Variants in CFAP54 observed in about 807,000 individuals in gnomAD.
CFAP54 encodes the protein cilia- and flagella-associated protein 54.
Under a neutral mutation model 370.4 loss-of-function variants are expected in CFAP54, and 290 were observed. The observed-to-expected ratio is 0.78, with a 90% CI of 0.71 to 0.86. The LOEUF is 0.86. Ranked by LOEUF, CFAP54 falls within the 40% of genes least tolerant of loss-of-function variation. CFAP54 has a pLI of 0.00. For synonymous variants in CFAP54, 1,206 were observed against 1,236.5 expected, an observed-to-expected ratio of 0.98 and a Z score of 0.52; for missense variants, 3,399 against 3,528.7, an observed-to-expected ratio of 0.96 and a Z score of 0.93.
chr12:96,493,731 G>A (rs1954913972), intron 1 of CFAP54, among the ~76,000 whole-genome samples: 1 of 152,190 alleles, frequency 6.6e-6, no homozygotes, highest in Non-Finnish European at 1.5e-5. Context: ...CTGGGAAGTG[G>A]AGGTTGCATT....
chr12:96,522,234 ATATTTG>A (rs1955328877), intron 8 of CFAP54, 45 bp downstream of exon 8: 1 of 1,295,356 alleles, frequency 7.7e-7, no homozygotes, highest in Non-Finnish European at 1.1e-6. Context: ...TTTTTGCAGT[ATATTTG>A]TATTATGCTC....
At chr12:96,497,041 A>G (rs1482088569) in intron 1 of CFAP54, among the ~76,000 whole-genome samples, 3 of 152,200 alleles carry the variant, frequency 2.0e-5, no homozygotes, top group Non-Finnish European at 4.4e-5. Flanking sequence ...CCAATCCTTT[A>G]TTCATTCATT....
At chr12:96,674,457 A>C (rs1171582011) in intron 39 of CFAP54, among the ~76,000 whole-genome samples, 1 of 151,486 alleles carries the variant, frequency 6.6e-6, no homozygotes, top group Admixed American at 6.6e-5. Context: ...CAGAGAGGAA[A>C]CCCCTTGAGG....
chr12:96,519,919 G>A (rs1955284101), intron 6 of CFAP54, among the ~76,000 whole-genome samples: 2 of 152,288 alleles, frequency 1.3e-5, no homozygotes, highest in Admixed American at 6.5e-5. Context: ...TTGAATACAA[G>A]CCACCTTCCC....
At chr12:96,752,093 AG>A in intron 55 of CFAP54, among the ~76,000 whole-genome samples, 1 of 131,928 alleles carries the variant, frequency 7.6e-6, no homozygotes, top group Non-Finnish European at 1.6e-5. Flanking sequence ...GATGAGAGAG[AG>A]AGAGAGAGAG....
Position 96,580,996 on chromosome 12 carries a change from CCTATT to C in CFAP54, c.2970_2974del (p.Tyr990Ter). ...GAAAAGTATGTATTTGCAGTTGCTG[CCTATT>C]CTAACAACGGAAAGCTTGTCGGTGG... is the stretch of plus-strand genomic sequence containing the variant. On this transcript the variant is annotated frameshift_variant, in exon 22 of 68. Transcript: ENST00000524981. LOFTEE classifies it high-confidence loss of function. 1 of 1,533,046 alleles carries C rather than the reference CCTATT, an allele frequency of 6.5e-7. No homozygotes were observed. Among genetic ancestry groups the C allele is most frequent in the Non-Finnish European group, 8.7e-7 (1 of 1,145,098 alleles). 95.0% of individuals were successfully genotyped at this position (1,533,046 alleles called of 1,614,324 possible).
In CFAP54 at chr12:96,644,404, G is replaced by A; in HGVS notation, c.4543G>A (p.Val1515Ile). ...KMKFGTSHMM[V>I]SFRSCDPNMF... Reference sequence around the variant, plus strand: ...GAAATTTGGCACATCACATATGATGGTCAGGTATAGTATATTACTGATGAA... The same window carrying A: ...GAAATTTGGCACATCACATATGATGATCAGGTATAGTATATTACTGATGAA... Residue 1515 changes from valine to isoleucine, a missense_variant, in exon 33 of 68, where the codon GTC becomes ATC. Transcript: ENST00000524981. 1 of 1,520,790 alleles carries A rather than the reference G, an allele frequency of 6.6e-7. No individual in the cohort carries two copies. The highest frequency in any genetic ancestry group is 8.8e-7 in the Non-Finnish European group (1 of 1,133,104). 94.2% of individuals were successfully genotyped at this position (1,520,790 alleles called of 1,614,324 possible). A position where few individuals can be genotyped will look rare whatever the true frequency, so the allele number is the denominator to read the frequency against.
intron 46 of CFAP54, among the ~76,000 whole-genome samples, chr12:96,700,656 A>G (rs2136578016): frequency 6.6e-6 from 1 of 152,314 alleles, no homozygotes; most frequent in South Asian, 2.1e-4. Flanking sequence ...GCATCCTTGA[A>G]AATGAATACT....
At chr12:96,738,571 A>C (rs1473439676) in intron 50 of CFAP54, among the ~76,000 whole-genome samples, 2 of 149,656 alleles carry the variant, frequency 1.3e-5, no homozygotes, top group Non-Finnish European at 2.9e-5. Flanking sequence ...GTGTCCTCAC[A>C]TAACCTTCCC....
At chr12:96,864,861 A>G (rs1199024982) in intron 67 of CFAP54, among the ~76,000 whole-genome samples, 1 of 152,178 alleles carries the variant, frequency 6.6e-6, no homozygotes, top group African/African-American at 2.4e-5. Context: ...CTAATGCATC[A>G]TGGAACTTAT....
rs1314039954 is a variant in CFAP54, at chr12:96,565,506, AG to A, written c.2619+743del. On this transcript the variant is annotated intron_variant, in intron 19 of 67. Transcript: ENST00000524981. Reference sequence around the variant, plus strand: ...ATGCTATGTCTTGGCTGATAAGAGAAGGAAAAAAGTAGGTCAAAGCTAGGAG... The same window carrying A: ...ATGCTATGTCTTGGCTGATAAGAGAAGAAAAAAGTAGGTCAAAGCTAGGAG... Among the ~76,000 whole-genome samples the A allele has an allele frequency of 2.0e-5, 3 of 152,268 alleles. No homozygotes were observed. The South Asian group carries it at 6.2e-4, about 32-fold the overall frequency.
At chr12:96,753,677 C>T (rs1193213266) in intron 55 of CFAP54, 66 bp from the exon 56 acceptor site, 1 of 1,493,486 alleles carries the variant, frequency 6.7e-7, no homozygotes, top group Non-Finnish European at 9.2e-7. Context: ...AGTCTGGTAA[C>T]TTGGAGGCTT....
intron 4 of CFAP54, among the ~76,000 whole-genome samples, chr12:96,507,335 G>T (rs1380773294): frequency 6.6e-6 from 1 of 152,026 alleles, no homozygotes; most frequent in Non-Finnish European, 1.5e-5. Flanking sequence ...ATCACTGTTG[G>T]GTGTTCAAAA....
At chr12:96,788,358 C>T (rs1186181487) in intron 62 of CFAP54, among the ~76,000 whole-genome samples, 1 of 152,144 alleles carries the variant, frequency 6.6e-6, no homozygotes, top group East Asian at 1.9e-4. Flanking sequence ...CTCAAGTGGA[C>T]ATAGCATATT....
intron 20 of CFAP54, among the ~76,000 whole-genome samples, chr12:96,578,052 A>G (rs1955998031): frequency 6.6e-6 from 1 of 152,164 alleles, no homozygotes; most frequent in Non-Finnish European, 1.5e-5. Flanking sequence ...ACAGAGCGAA[A>G]TACTATCTAA....
chr12:96,689,337 T>C (rs1957364494), intron 43 of CFAP54, among the ~76,000 whole-genome samples: 1 of 152,082 alleles, frequency 6.6e-6, no homozygotes, highest in South Asian at 2.1e-4. Flanking sequence ...ATTTCTTGTA[T>C]TTTTAGTAGA....
At chr12:96,804,761 C>A (rs528569952) in intron 63 of CFAP54, among the ~76,000 whole-genome samples, 76 of 151,942 alleles carry the variant, frequency 5.0e-4, no homozygotes, top group Non-Finnish European at 8.4e-4. Flanking sequence ...TCATATGGAA[C>A]AAAAAAACAG....
rs1189881244 is a variant in CFAP54 at position 96,725,889 on chromosome 12, T to C, written c.6965+5324T>C. On this transcript the variant is annotated intron_variant, in intron 50 of 67. Coordinates refer to ENST00000524981, the MANE Select transcript of CFAP54 (RefSeq NM_001306084.2). ...TATTGAGAGTTTTTAGCATGAAGGG[T>C]TGTTGAATTTTGTCAAAGGCCTTTT... Among the ~76,000 whole-genome samples, 754 of 150,714 alleles carry C rather than the reference T, an allele frequency of 5.0e-3. 5 individuals carry two copies. Among genetic ancestry groups the C allele is most frequent in the African/African-American group, 0.017 (696 of 41,122 alleles).
Position 96,860,897 on chromosome 12 carries a change from G to A in CFAP54, c.9250G>A (p.Gly3084Arg), listed in dbSNP as rs1180276348. The change falls in exon 67 of 68, where the codon GGA becomes AGA. Residue 3084 changes from glycine (G) to arginine (R), a missense_variant. Around this residue, in one of 3 missense-constraint regions of CFAP54, gnomAD observed 2,796 missense variants for 2,869.7 expected, o/e 0.97. Coordinates refer to ENST00000524981, the MANE Select transcript of CFAP54 (RefSeq NM_001306084.2). Reference sequence around the variant, plus strand: ...TCTGGCTAATGGTTGCATTTTATCAGGAGGAAGCCTTTTCAACTGGATAGT... The same window carrying A: ...TCTGGCTAATGGTTGCATTTTATCAAGAGGAAGCCTTTTCAACTGGATAGT... ...FDLANGCILS[G>R]GSLFNWIVSI... The A allele has an allele frequency of 1.3e-6, 2 of 1,535,046 alleles. No individual in the cohort carries two copies. Among genetic ancestry groups the A allele is most frequent in the South Asian group, 2.4e-5 (2 of 83,952 alleles).
Sources: gnomAD v4.1 joint callset for allele counts (sites outside exome capture counted in the v4.1 genomes callset) on GRCh38, gnomAD v4.1.1 for gene constraint, gnomAD v4.1.1 regional missense constraint, MANE v1.5 for transcripts, NCBI Gene and HGNC (gene_info 2026-07-23, HGNC 2026-07-21) for gene names.